Variants in ARMC2 observed in about 807,000 individuals in gnomAD.
The protein encoded by ARMC2 is armadillo repeat containing 2, also known as armadillo repeat-containing protein 2.
In ARMC2, 67 loss-of-function variants were observed where a neutral mutation model predicts 90.3. The observed-to-expected ratio is 0.74, with a 90% confidence interval of 0.61 to 0.91. ARMC2 has a LOEUF of 0.91. Ranked by LOEUF, ARMC2 falls within the 40% of genes least tolerant of loss-of-function variation. ARMC2 has a pLI of 0.00. For missense variants in ARMC2, 920 were observed against 1,030.9 expected, an observed-to-expected ratio of 0.89 and a Z score of 1.47; for synonymous variants, 393 against 393.0, an observed-to-expected ratio of 1.00 and a Z score of 0.00.
intron 5 of ARMC2, among the ~76,000 whole-genome samples, chr6:108,878,018 A>G (rs1777106642): frequency 6.6e-6 from 1 of 152,124 alleles, no homozygotes; most frequent in South Asian, 2.1e-4. Context: ...TTTCAGTAAC[A>G]TTTTTTGCTT....
intron 10 of ARMC2, among the ~76,000 whole-genome samples, chr6:108,914,751 G>A (rs767285834): frequency 5.9e-5 from 9 of 152,102 alleles, no homozygotes; most frequent in Non-Finnish European, 8.8e-5. Context: ...AAGCTGTTTT[G>A]TATCATACAA....
chr6:108,961,422 A>T, intron 13 of ARMC2, 150 bp from the exon 14 acceptor site: 1 of 729,480 alleles, frequency 1.4e-6, no homozygotes, highest in Non-Finnish European at 2.1e-6. Flanking sequence ...AGTCGGGGGA[A>T]ATCAAGTGGT....
At chr6:108,914,565 A>C (rs1773761114) in intron 10 of ARMC2, among the ~76,000 whole-genome samples, 1 of 152,140 alleles carries the variant, frequency 6.6e-6, no homozygotes, top group African/African-American at 2.4e-5. Flanking sequence ...GAGAAAATGG[A>C]GCCCATGATG....
intron 15 of ARMC2, among the ~76,000 whole-genome samples, chr6:108,963,274 C>T (rs944130174): frequency 6.6e-6 from 1 of 152,112 alleles, no homozygotes; most frequent in Non-Finnish European, 1.5e-5. Flanking sequence ...TCAAATATTT[C>T]ATGTAACAAT....
At chr6:108,877,391 A>G (rs1777047370) in intron 5 of ARMC2, among the ~76,000 whole-genome samples, 1 of 152,216 alleles carries the variant, frequency 6.6e-6, no homozygotes, top group South Asian at 2.1e-4. Context: ...ACACATACGG[A>G]ATTTATATTA....
chr6:108,904,826 C>T (rs140474463), intron 8 of ARMC2, among the ~76,000 whole-genome samples: 1,736 of 152,226 alleles, frequency 0.011, 6 homozygotes, highest in South Asian at 0.032. Context: ...TAATAAATAA[C>T]TAAGTAATTT....
Position 108,902,592 on chromosome 6 carries a change from A to G in ARMC2, c.848-1638A>G, listed in dbSNP as rs146228489. Among the ~76,000 whole-genome samples the G allele has an allele frequency of 7.6e-3, 1,153 of 152,340 alleles. 11 individuals are homozygous for G. Among genetic ancestry groups the G allele is most frequent in the Non-Finnish European group, 0.012 (847 of 68,024 alleles). On this transcript the variant is annotated intron_variant, in intron 7 of 17. Transcript: ENST00000392644. ...CCCATCAATTCATTCATTTAAGTGC[A>G]TAACCAAAAGACATTGAAGGTTACT... is the stretch of plus-strand genomic sequence containing the variant.
At chr6:108,919,116 A>G (rs1774284678) in intron 10 of ARMC2, among the ~76,000 whole-genome samples, 1 of 129,850 alleles carries the variant, frequency 7.7e-6, no homozygotes, top group Non-Finnish European at 1.7e-5. Context: ...CTTTGCTTCA[A>G]GATTTGGGGA....
intron 8 of ARMC2, 68 bp from the exon 9 acceptor site, chr6:108,910,831 G>T: frequency 1.3e-6 from 1 of 753,174 alleles, no homozygotes; most frequent in East Asian, 3.3e-5. Context: ...AATAGATGTG[G>T]TTTATTTTTT....
the ARMC2 span, among the ~76,000 whole-genome samples, chr6:109,032,786 C>T: frequency 1.3e-5 from 2 of 152,032 alleles, no homozygotes; most frequent in South Asian, 2.1e-4. Context: ...GGGGAGGGCT[C>T]GATCAGGGTC....
At position 108,906,885 on chromosome 6, in the gene ARMC2, C is replaced by T. The variant is rs59726954; in HGVS notation, c.1023+2480C>T. 9.8e-3 allele frequency among the ~76,000 whole-genome samples: 1,483 copies of T among 151,966 alleles called. 18 individuals carry two copies. The highest frequency in any genetic ancestry group is 0.031 in the African/African-American group (1,303 of 41,394). On this transcript the variant is annotated intron_variant, in intron 8 of 17. Transcript: ENST00000392644. ...AGACAGACAGCAAACACAGCAGGTA[C>T]CAAAGGAGATAATGAGAACTAAGGG...
the ARMC2 span, among the ~76,000 whole-genome samples, chr6:109,024,084 T>G: frequency 6.6e-6 from 1 of 152,134 alleles, no homozygotes; most frequent in Non-Finnish European, 1.5e-5. Flanking sequence ...CTCAATTGAC[T>G]TTTTAAAAAA....
At chr6:108,897,929 A>C (rs546180804) in intron 6 of ARMC2, among the ~76,000 whole-genome samples, 5 of 152,306 alleles carry the variant, frequency 3.3e-5, no homozygotes, top group Admixed American at 2.6e-4. Context: ...AAGGTATTAC[A>C]CACATTCAAT....
chr6:109,006,122 T>A, the ARMC2 span, among the ~76,000 whole-genome samples: 1 of 152,184 alleles, frequency 6.6e-6, no homozygotes. Context: ...TGTTTTAAAT[T>A]ATACTACCTG....
chr6:108,869,929 G>T (rs150411961), intron 4 of ARMC2, among the ~76,000 whole-genome samples: 5 of 152,288 alleles, frequency 3.3e-5, no homozygotes, highest in African/African-American at 1.2e-4. Flanking sequence ...AAGTAGAATA[G>T]AATATAATAG....
intron 8 of ARMC2, among the ~76,000 whole-genome samples, chr6:108,910,062 CTCT>C (rs1334152373): frequency 1.3e-5 from 2 of 151,826 alleles, no homozygotes; most frequent in African/African-American, 4.8e-5. Flanking sequence ...ATTCATCTTC[CTCT>C]ACTTTTGTGT....
chr6:108,954,165 A>G (rs1386953004), intron 13 of ARMC2, among the ~76,000 whole-genome samples: 1 of 152,198 alleles, frequency 6.6e-6, no homozygotes, highest in Admixed American at 6.5e-5. Context: ...TCAAAGTCTT[A>G]TCTCCAAATA....
intron 8 of ARMC2, chr6:108,908,020 TC>T: frequency 2.6e-6 from 2 of 770,178 alleles, no homozygotes. Context: ...ACAGAAGGAA[TC>T]TCCATTCTGC....
the ARMC2 span, among the ~76,000 whole-genome samples, chr6:109,016,112 C>T: frequency 3.9e-5 from 6 of 152,080 alleles, no homozygotes; most frequent in African/African-American, 4.8e-5. Flanking sequence ...GATTTTTACC[C>T]GTGGTTAAAA....
Sources: allele counts gnomAD v4.1 joint callset (sites outside exome capture counted in the v4.1 genomes callset), GRCh38; gene constraint gnomAD v4.1.1; transcripts MANE v1.5; gene names NCBI Gene and HGNC (gene_info 2026-07-23, HGNC 2026-07-21).